Variants in XYLB observed in about 807,000 individuals in gnomAD.
XYLB encodes the protein xylulose kinase.
In XYLB, 62 loss-of-function variants were observed where a neutral mutation model predicts 78.7. The ratio of observed to expected loss-of-function variants is 0.79; its 90% CI spans 0.64 to 0.97. The LOEUF is 0.97. XYLB is among the 50% of genes least tolerant of loss of function. The probability of loss-of-function intolerance (pLI) is 0.00; values close to 1 mark genes in which losing one functional copy is unlikely to be tolerated. For synonymous variants in XYLB, 245 were observed against 247.4 expected, an observed-to-expected ratio of 0.99 and a Z score of 0.09; for missense variants, 687 against 676.8, an observed-to-expected ratio of 1.02 and a Z score of -0.17.
intron 15 of XYLB, among the ~76,000 whole-genome samples, chr3:38,392,477 A>C (rs1707703232): frequency 6.6e-6 from 1 of 151,996 alleles, no homozygotes; most frequent in African/African-American, 2.4e-5. Context: ...TTGTATTTTT[A>C]GTAGAGATGG....
intron 15 of XYLB, among the ~76,000 whole-genome samples, chr3:38,389,554 C>T (rs190390645): frequency 0.086 from 12,985 of 150,254 alleles, 649 homozygotes; most frequent in Middle Eastern, 0.19. Flanking sequence ...CCCTCCCAGA[C>T]GGGGCGGCTG....
chr3:38,438,838 T>C, the XYLB span, among the ~76,000 whole-genome samples: 10 of 152,218 alleles, frequency 6.6e-5, no homozygotes, highest in Admixed American at 1.3e-4. Context: ...TGGTCCATTT[T>C]ACAGTGTGCT....
intron 15 of XYLB, among the ~76,000 whole-genome samples, chr3:38,392,628 AC>A (rs1707715148): frequency 6.6e-6 from 1 of 151,370 alleles, no homozygotes; most frequent in South Asian, 2.1e-4. Flanking sequence ...GCTCTTTGTA[AC>A]TCTGGTTTCT....
In XYLB at chr3:38,373,802, A is replaced by G. The variant is rs116612855; in HGVS notation, c.848-660A>G. ...TTCACTCAGCATTTAGTGAGTGCCT[A>G]TTATGTGCCAGGCCTTCCTTCAGTG... On this transcript the variant is annotated intron_variant, in intron 10 of 18. Transcript: ENST00000207870. Among the ~76,000 whole-genome samples the G allele has an allele frequency of 2.4e-3, 370 of 152,226 alleles. 1 individual carries two copies. Among genetic ancestry groups the G allele is most frequent in the African/African-American group, 8.5e-3 (352 of 41,512 alleles).
intron 14 of XYLB, among the ~76,000 whole-genome samples, chr3:38,378,406 T>G (rs1165594023): frequency 6.6e-6 from 1 of 152,192 alleles, no homozygotes; most frequent in Non-Finnish European, 1.5e-5. Flanking sequence ...AGAGGGACAG[T>G]AGACGACTGA....
the XYLB span, among the ~76,000 whole-genome samples, chr3:38,448,616 A>AT: frequency 7.9e-5 from 12 of 152,090 alleles, no homozygotes; most frequent in Non-Finnish European, 1.8e-4. Flanking sequence ...CATTTAAAAT[A>AT]TTTTTTTACT....
At chr3:38,452,111 T>G in the XYLB span, 1 of 152,252 alleles carries the variant, frequency 6.6e-6, no homozygotes, top group Non-Finnish European at 1.5e-5. Flanking sequence ...TCTATCACTG[T>G]GGCCTCCTGT....
chr3:38,364,066 C>A (rs899628580), intron 4 of XYLB, among the ~76,000 whole-genome samples: 4 of 152,084 alleles, frequency 2.6e-5, no homozygotes, highest in African/African-American at 9.7e-5. Flanking sequence ...AGCTAATCCC[C>A]GACCCCCATG....
downstream of XYLB, among the ~76,000 whole-genome samples, chr3:38,419,149 C>T (rs1384264948): frequency 6.6e-6 from 1 of 152,086 alleles, no homozygotes; most frequent in East Asian, 1.9e-4. Flanking sequence ...CATGTTTCCT[C>T]TTGTTTCTGG....
chr3:38,361,695 G>A lies in XYLB; in HGVS notation c.211-1242G>A, dbSNP rs144038187. Among the ~76,000 whole-genome samples the A allele has an allele frequency of 2.8e-4, 43 of 152,256 alleles. No homozygotes were observed. The East Asian group carries it at 8.3e-3, about 30-fold the overall frequency. On this transcript the variant is annotated intron_variant, in intron 3 of 18. Transcript: ENST00000207870. ...GAACCAGGCTTGGGGGCAGGGCCAA[G>A]GTGATTTCTGATCTGACGCAGCCTC...
At chr3:38,368,278 T>G in intron 8 of XYLB, 21 bp downstream of exon 8, 1 of 1,611,772 alleles carries the variant, frequency 6.2e-7, no homozygotes, top group Non-Finnish European at 8.5e-7. Context: ...GGGTATGGGG[T>G]GGGTGCCTGG....
At chr3:38,378,416 A>G (rs1706974655) in intron 14 of XYLB, among the ~76,000 whole-genome samples, 1 of 152,214 alleles carries the variant, frequency 6.6e-6, no homozygotes, top group African/African-American at 2.4e-5. Flanking sequence ...TAGACGACTG[A>G]ATGAGCATGT....
chr3:38,440,360 TA>T, the XYLB span, among the ~76,000 whole-genome samples: 1 of 152,238 alleles, frequency 6.6e-6, no homozygotes, highest in African/African-American at 2.4e-5. Flanking sequence ...GTAAGTACTT[TA>T]AGGTTTGGCT....
At chr3:38,424,352 G>C (rs1312731661), downstream of XYLB, among the ~76,000 whole-genome samples, 1 of 152,100 alleles carries the variant, frequency 6.6e-6, no homozygotes, top group Admixed American at 6.5e-5. Context: ...ATATGATCCT[G>C]GAAAAATTTT....
intron 18 of XYLB, 27 bp downstream of exon 18, chr3:38,401,012 A>C (rs750495644): frequency 1.2e-6 from 2 of 1,607,420 alleles, no homozygotes; most frequent in African/African-American, 2.7e-5. Context: ...ATTTGTTTGT[A>C]GCATTTGCAT....
intron 15 of XYLB, among the ~76,000 whole-genome samples, chr3:38,388,072 G>C (rs1707462230): frequency 6.6e-6 from 1 of 151,586 alleles, no homozygotes; most frequent in South Asian, 2.1e-4. Flanking sequence ...GATAATTGTA[G>C]ATTCACATGC....
the XYLB span, among the ~76,000 whole-genome samples, chr3:38,431,972 C>A: frequency 6.6e-6 from 1 of 152,182 alleles, no homozygotes; most frequent in African/African-American, 2.4e-5. Context: ...AAGATAGTTA[C>A]TTCCTAGACA....
chr3:38,436,877 G>A, the XYLB span, among the ~76,000 whole-genome samples: 7 of 151,698 alleles, frequency 4.6e-5, no homozygotes, highest in South Asian at 2.1e-4. Context: ...GATGGTGGGC[G>A]CCTGTAATCC....
intron 13 of XYLB, 146 bp downstream of exon 13, chr3:38,376,378 A>G (rs1222642671): frequency 9.3e-6 from 6 of 643,096 alleles, no homozygotes; most frequent in Non-Finnish European, 1.7e-5. Flanking sequence ...TATTCCACAC[A>G]TCCTACAAGC....
Sources: gnomAD v4.1 joint callset for allele counts (sites outside exome capture counted in the v4.1 genomes callset) on GRCh38, gnomAD v4.1.1 for gene constraint, MANE v1.5 for transcripts, NCBI Gene and HGNC (gene_info 2026-07-23, HGNC 2026-07-21) for gene names.